The following PCDHGA9 variants were observed in gnomAD, a reference collection of about 807,000 sequenced individuals.
The protein encoded by PCDHGA9 is protocadherin gamma-A9.
In PCDHGA9, 37 loss-of-function variants were observed where a neutral mutation model predicts 62.5. The ratio of observed to expected loss-of-function variants is 0.59; its 90% CI spans 0.46 to 0.78. PCDHGA9 has a LOEUF of 0.78. Among genes scored for constraint, PCDHGA9 ranks in the 30% least tolerant of loss-of-function variants. PCDHGA9 has a pLI of 0.00. For missense variants in PCDHGA9, 1,138 were observed against 1,166.2 expected (o/e 0.98, Z 0.35); for synonymous variants, 459 against 484.6 (o/e 0.95, Z 0.69).
chr5:141,494,855 G>C lies in PCDHGA9; in HGVS notation c.2473G>C (p.Gly825Arg), dbSNP rs200418116. The C allele has an allele frequency of 6.2e-7, 1 of 1,614,092 alleles. No homozygotes were observed. Among genetic ancestry groups the C allele is most frequent in the South Asian group, 1.1e-5 (1 of 91,072 alleles). ...DWRFSQAQRP[G>R]TSGSQNGDDT... is the part of the protein sequence containing the mutation. ...GCGTTTCTCTCAGGCCCAGAGACCC[G>C]GCACCAGCGGGTAGGTGACTGATTC... The change falls in exon 2 of 4, where the codon GGC (glycine) becomes CGC (arginine). Residue 825 changes from glycine (G) to arginine (R), a missense_variant. Transcript: ENST00000573521.
chr5:141,410,817 ATGTCACCAGACTGAAGATATTTTGTCTT>A, intron 1 of PCDHGA9: 1 of 524,252 alleles, frequency 1.9e-6, no homozygotes, highest in Non-Finnish European at 3.1e-6. Flanking sequence ...TTGTAAAATA[ATGTCACCAGACTGAAGATATTTTGTCTT>A]TGTCTTTTTT....
chr5:141,504,941 T>G (rs2099842166), intron 2 of PCDHGA9, among the ~76,000 whole-genome samples: 1 of 152,046 alleles, frequency 6.6e-6, no homozygotes, highest in East Asian at 1.9e-4. Flanking sequence ...GGTGGGGGAA[T>G]GCACTATGTT....
intron 3 of PCDHGA9, among the ~76,000 whole-genome samples, chr5:141,505,868 G>T (rs2099848820): frequency 6.6e-6 from 1 of 152,170 alleles, no homozygotes; most frequent in Admixed American, 6.5e-5. Context: ...GGACCCCAAA[G>T]GGTTGTTGTA....
At chr5:141,478,108 G>A (rs1160328367) in intron 1 of PCDHGA9, 1 of 1,614,046 alleles carries the variant, frequency 6.2e-7, no homozygotes, top group Admixed American at 1.7e-5. Flanking sequence ...CCCTCACTGT[G>A]TCAGTAACCG....
intron 1 of PCDHGA9, chr5:141,419,707 C>G (rs781629810): frequency 6.2e-7 from 1 of 1,613,180 alleles, no homozygotes. Flanking sequence ...AGCCCGGGCT[C>G]TTCAGCCTGG....
rs2099426122 is a variant in PCDHGA9 at position 141,477,960 on chromosome 5, A to C, written c.2425-16847A>C. On this transcript the variant is annotated intron_variant, in intron 1 of 3. Coordinates refer to ENST00000573521, the MANE Select transcript of PCDHGA9 (RefSeq NM_018921.3). This position sits in a 1 kb window ranked among gnomAD's most constrained non-coding sequence, Gnocchi z 4.9. ...TCCTACAGTCTCTTGGGATCCCCTAACCAGAGCCTTTTTGCCATAGGGCTG... is the reference window on the plus strand; with the variant it reads ...TCCTACAGTCTCTTGGGATCCCCTACCCAGAGCCTTTTTGCCATAGGGCTG... 1 of 1,613,952 alleles carries C rather than the reference A, an allele frequency of 6.2e-7. No individual in the cohort carries two copies. Among genetic ancestry groups the C allele is most frequent in the African/African-American group, 1.3e-5 (1 of 74,922 alleles).
At chr5:141,422,307 C>T in intron 1 of PCDHGA9, 4 of 1,547,552 alleles carry the variant, frequency 2.6e-6, no homozygotes, top group South Asian at 1.3e-5. Flanking sequence ...TTCTGGAAAA[C>T]TCTCCTCCAG....
At chr5:141,438,749 C>T (rs1238134451) in intron 1 of PCDHGA9, among the ~76,000 whole-genome samples, 3 of 149,226 alleles carry the variant, frequency 2.0e-5, no homozygotes, top group African/African-American at 4.9e-5. Context: ...GCAACCTCTG[C>T]CTCCTGGGTT....
chr5:141,435,334 T>A (rs1223377462), intron 1 of PCDHGA9, among the ~76,000 whole-genome samples: 1 of 152,196 alleles, frequency 6.6e-6, no homozygotes, highest in African/African-American at 2.4e-5. Flanking sequence ...ATATAGTGAA[T>A]TTATTTCTTC....
rs2099629540 is a variant in PCDHGA9, at chr5:141,486,436, T to C, written c.2425-8371T>C. 2 of 1,614,188 alleles carry C rather than the reference T, an allele frequency of 1.2e-6. No individual in the cohort carries two copies. The highest frequency in any genetic ancestry group is 1.7e-6 in the Non-Finnish European group (2 of 1,180,020). On this transcript the variant is annotated intron_variant, in intron 1 of 3. Coordinates refer to ENST00000573521, the MANE Select transcript of PCDHGA9 (RefSeq NM_018921.3). This position sits in a 1 kb window ranked among gnomAD's most constrained non-coding sequence, Gnocchi z 5.0. ...TGGATCGAGAGGCCAAATCTAGCTA[T>C]GACATCATGGTCACTGCTTCTGATG... is the stretch of plus-strand genomic sequence containing the variant.
Position 141,486,390 on chromosome 5 carries a change from C to T in PCDHGA9, c.2425-8417C>T. 6.2e-7 allele frequency: 1 copy of T among 1,614,138 alleles called. No homozygotes were observed. The highest frequency in any genetic ancestry group is 1.1e-5 in the South Asian group (1 of 91,084). On this transcript the variant is annotated intron_variant, in intron 1 of 3. Coordinates refer to ENST00000573521, the MANE Select transcript of PCDHGA9 (RefSeq NM_018921.3). This position sits in a 1 kb window ranked among gnomAD's most constrained non-coding sequence, Gnocchi z 5.0. ...AAGTCTGCCTTCAGGAACCAGTTCTCCCTGGTGACTGCTGGACCCTTGGAT... is the reference window on the plus strand; with the variant it reads ...AAGTCTGCCTTCAGGAACCAGTTCTTCCTGGTGACTGCTGGACCCTTGGAT...
chr5:141,421,195 G>C (rs1305388921), intron 1 of PCDHGA9: 2 of 1,504,878 alleles, frequency 1.3e-6, no homozygotes, highest in Non-Finnish European at 1.8e-6. Context: ...CAACCAGCTC[G>C]AGAAACCGCG....
chr5:141,432,427 C>G lies in PCDHGA9; in HGVS notation c.2424+27051C>G. 5 of 1,614,242 alleles carry G rather than the reference C, an allele frequency of 3.1e-6. No homozygotes were observed. The highest frequency in any genetic ancestry group is 4.2e-6 in the Non-Finnish European group (5 of 1,180,036). On this transcript the variant is annotated intron_variant, in intron 1 of 3. Transcript: ENST00000573521. The surrounding 1 kb of genome is among the most constrained non-coding windows in gnomAD (Gnocchi z 6.0). ...TGAGCCTGTTCGTGCTGGACCAGAA[C>G]GACAATGCGCCCGAGATCCTGTACC... is the stretch of plus-strand genomic sequence containing the variant.
In PCDHGA9 at chr5:141,491,341, G is replaced by C. The variant is rs775712620; in HGVS notation, c.2425-3466G>C. ...TTACCTCATTGTGGCTCTAGCGACC[G>C]TCAGTCTCTTATCCCTAGTCACCTT... On this transcript the variant is annotated intron_variant, in intron 1 of 3. Transcript: ENST00000573521. This position sits in a 1 kb window ranked among gnomAD's most constrained non-coding sequence, Gnocchi z 6.9. 10 of 1,614,100 alleles carry C rather than the reference G, an allele frequency of 6.2e-6. No homozygotes were observed. In the East Asian group the frequency reaches 8.9e-5, roughly 14 times the overall value.
chr5:141,441,697 C>A (rs1415018255), intron 1 of PCDHGA9: 4 of 307,190 alleles, frequency 1.3e-5, no homozygotes, highest in Non-Finnish European at 1.3e-5. Flanking sequence ...CAGCCGCGAG[C>A]CTTCAAGCTC....
At chr5:141,410,715 G>C (rs1237496496) in intron 1 of PCDHGA9, 1 of 1,422,664 alleles carries the variant, frequency 7.0e-7, no homozygotes, top group Non-Finnish European at 9.4e-7. Context: ...AGAATCATAT[G>C]TTTAAAATCC....
At position 141,490,293 on chromosome 5, in the gene PCDHGA9, ATTG is replaced by A; in HGVS notation, c.2425-4513_2425-4511del. The A allele has an allele frequency of 1.9e-6, 3 of 1,614,190 alleles. No individual in the cohort carries two copies. Among genetic ancestry groups the A allele is most frequent in the Non-Finnish European group, 2.5e-6 (3 of 1,180,028 alleles). On this transcript the variant is annotated intron_variant, in intron 1 of 3. Coordinates refer to ENST00000573521, the MANE Select transcript of PCDHGA9 (RefSeq NM_018921.3). The surrounding 1 kb of genome is among the most constrained non-coding windows in gnomAD (Gnocchi z 5.4). ...TCAATGACAATGCCCCAGAGGTGCTATTGGCCTCTTTGGCCAACCCTGTCCTAG... is the reference window on the plus strand; with the variant it reads ...TCAATGACAATGCCCCAGAGGTGCTAGCCTCTTTGGCCAACCCTGTCCTAG...
chr5:141,473,776 T>C (rs1026169931), intron 1 of PCDHGA9, among the ~76,000 whole-genome samples: 1 of 152,214 alleles, frequency 6.6e-6, no homozygotes, highest in Non-Finnish European at 1.5e-5. Context: ...TTTGGTATTT[T>C]AATTCAAGAG....
Position 141,431,215 on chromosome 5 carries a change from C to T in PCDHGA9, c.2424+25839C>T, listed in dbSNP as rs1225114172. On this transcript the variant is annotated intron_variant, in intron 1 of 3. Transcript: ENST00000573521. The surrounding 1 kb of genome is among the most constrained non-coding windows in gnomAD (Gnocchi z 4.8). ...AAAATGCAGCCACTGAGATGCGGTT[C>T]CCTCTACCCCACGCCTGGGATCCGG... is the stretch of plus-strand genomic sequence containing the variant. 2.5e-6 allele frequency: 4 copies of T among 1,614,066 alleles called. No homozygotes were observed. The highest frequency in any genetic ancestry group is 1.3e-5 in the African/African-American group (1 of 74,942).
Sources: allele counts gnomAD v4.1 joint callset (sites outside exome capture counted in the v4.1 genomes callset), GRCh38; gene constraint gnomAD v4.1.1; non-coding constraint Gnocchi (gnomAD v3.1); transcripts MANE v1.5; gene names NCBI Gene and HGNC (gene_info 2026-07-23, HGNC 2026-07-21).